PLB1: variants seen among roughly 807,000 people sequenced by gnomAD.
PLB1 encodes phospholipase B1, membrane-associated.
In PLB1, 242 loss-of-function variants were observed where a neutral mutation model predicts 227.4. The observed-to-expected ratio is 1.06, with a 90% CI of 0.96 to 1.18. The LOEUF is 1.18. Ranked by LOEUF, PLB1 falls within the 50% of genes most tolerant of loss-of-function variation. The pLI, the probability that PLB1 is intolerant of heterozygous loss-of-function variation, is 0.00. For synonymous variants in PLB1, 757 were observed against 682.2 expected, an observed-to-expected ratio of 1.11 and a Z score of -1.71; for missense variants, 1,858 against 1,816.3, an observed-to-expected ratio of 1.02 and a Z score of -0.42.
At chr2:28,507,748 TATG>T (rs949432606) in intron 1 of PLB1, among the ~76,000 whole-genome samples, 6 of 152,302 alleles carry the variant, frequency 3.9e-5, no homozygotes, top group South Asian at 4.1e-4. Flanking sequence ...GCACAGGGTG[TATG>T]ATATTGGATA....
chr2:28,595,926 T>C (rs1682832372), intron 33 of PLB1: 1 of 152,284 alleles, frequency 6.6e-6, no homozygotes, highest in Middle Eastern at 3.4e-3. Flanking sequence ...GATTCTGTAG[T>C]GAACGGTTCC....
chr2:28,555,838 G>T (rs1405693708), intron 17 of PLB1, among the ~76,000 whole-genome samples: 2 of 145,830 alleles, frequency 1.4e-5, no homozygotes, highest in African/African-American at 2.5e-5. Context: ...TAACTGTTTT[G>T]CATTTTGCCT....
At chr2:28,563,713 G>A (rs1676408407) in intron 18 of PLB1, among the ~76,000 whole-genome samples, 1 of 152,130 alleles carries the variant, frequency 6.6e-6, no homozygotes, top group Admixed American at 6.5e-5. Context: ...TCAGGCCCTT[G>A]AGAGCCTGGG....
At chr2:28,569,818 T>A (rs1677692807) in intron 20 of PLB1, among the ~76,000 whole-genome samples, 1 of 151,320 alleles carries the variant, frequency 6.6e-6, no homozygotes, top group Admixed American at 6.6e-5. Flanking sequence ...TATAAAAAAA[T>A]AGCTAGGTGT....
At chr2:28,510,680 A>G (rs141769813) in intron 1 of PLB1, among the ~76,000 whole-genome samples, 11 of 134,380 alleles carry the variant, frequency 8.2e-5, no homozygotes, top group African/African-American at 3.2e-4. Context: ...CTGGAGTGCA[A>G]TGATGTGATC....
chr2:28,621,280 G>A (rs1372254752), intron 49 of PLB1, among the ~76,000 whole-genome samples: 1 of 152,122 alleles, frequency 6.6e-6, no homozygotes, highest in Non-Finnish European at 1.5e-5. Flanking sequence ...CTCCAGGGCA[G>A]CAGGAGGCGC....
At chr2:28,541,299 C>G (rs1165070757) in intron 12 of PLB1, among the ~76,000 whole-genome samples, 1 of 152,194 alleles carries the variant, frequency 6.6e-6, no homozygotes, top group Non-Finnish European at 1.5e-5. Context: ...ATGACTTTTG[C>G]TTATGAAGAA....
At chr2:28,591,222 C>G in intron 30 of PLB1, 51 bp downstream of exon 30, 1 of 1,608,558 alleles carries the variant, frequency 6.2e-7, no homozygotes, top group Middle Eastern at 1.7e-4. Context: ...AATGGGCAAC[C>G]CCTGGGCTGG....
intron 3 of PLB1, among the ~76,000 whole-genome samples, chr2:28,519,218 C>A (rs72786881): frequency 6.6e-6 from 1 of 152,086 alleles, no homozygotes; most frequent in African/African-American, 2.4e-5. Context: ...CCTTGTGTGG[C>A]ATTTGCATAC....
In PLB1 at chr2:28,519,723, CT is replaced by C; in HGVS notation, c.204del (p.Asp69IlefsTer38). 1 of 1,611,562 alleles carries C rather than the reference CT, an allele frequency of 6.2e-7. No homozygotes were observed. The highest frequency in any genetic ancestry group is 8.5e-7 in the Non-Finnish European group (1 of 1,177,928). ...TCCACAGTTCACTCTCTGAAGCCTT[CT>C]GATATTAAATTTGTGGCAGCCATTG... ...PSKSVHSLKP[S>X]DIKFVAAIGN... On this transcript the variant is annotated frameshift_variant, in exon 4 of 58. Coordinates refer to ENST00000327757, the MANE Select transcript of PLB1 (RefSeq NM_153021.5). LOFTEE classifies it high-confidence loss of function.
chr2:28,629,257 A>C (rs1478473677), intron 53 of PLB1, 72 bp downstream of exon 53: 3 of 1,418,382 alleles, frequency 2.1e-6, no homozygotes, highest in African/African-American at 2.8e-5. Flanking sequence ...CCAAAGGAGG[A>C]GACCAGTTGA....
chr2:28,514,369 G>C (rs765168994), intron 1 of PLB1, among the ~76,000 whole-genome samples: 59 of 152,232 alleles, frequency 3.9e-4, no homozygotes, highest in Middle Eastern at 6.8e-3. Context: ...GAGTCAGATA[G>C]TATCAGTCTT....
At chr2:28,505,487 G>C (rs1667542970) in intron 1 of PLB1, among the ~76,000 whole-genome samples, 1 of 152,070 alleles carries the variant, frequency 6.6e-6, no homozygotes, top group African/African-American at 2.4e-5. Flanking sequence ...TATTTTCCTC[G>C]AATGGGTCAG....
At chr2:28,552,014 G>C (rs983597489) in intron 16 of PLB1, among the ~76,000 whole-genome samples, 1 of 152,154 alleles carries the variant, frequency 6.6e-6, no homozygotes, top group African/African-American at 2.4e-5. Context: ...AGGTATGAGA[G>C]ATTAAAATGT....
At chr2:28,625,017 T>G (rs1237325969) in intron 49 of PLB1, 40 bp from the exon 50 acceptor site, 3 of 1,598,082 alleles carry the variant, frequency 1.9e-6, no homozygotes, top group African/African-American at 1.3e-5. Flanking sequence ...TCCTCGCTCC[T>G]GAGCCGGCAC....
intron 43 of PLB1, among the ~76,000 whole-genome samples, chr2:28,612,769 ATTT>A (rs10557060): frequency 0.025 from 3,104 of 124,930 alleles, 116 homozygotes; most frequent in African/African-American, 0.09. Flanking sequence ...CCACACCTGG[ATTT>A]TTTTTTTTTT....
chr2:28,505,770 AT>A (rs1667573765), intron 1 of PLB1, among the ~76,000 whole-genome samples: 1 of 152,218 alleles, frequency 6.6e-6, no homozygotes, highest in African/African-American at 2.4e-5. Context: ...AGAAAGGGAT[AT>A]TTGAGAACTT....
intron 3 of PLB1, among the ~76,000 whole-genome samples, chr2:28,519,204 A>C (rs897504574): frequency 9.2e-6 from 1 of 109,048 alleles, no homozygotes; most frequent in Non-Finnish European, 2.2e-5. Flanking sequence ...GGAGATTTCC[A>C]CTTCCTTGTG....
intron 43 of PLB1, among the ~76,000 whole-genome samples, chr2:28,611,362 A>C (rs954277821): frequency 6.6e-6 from 1 of 152,116 alleles, no homozygotes. Flanking sequence ...AGTGCCTCCC[A>C]TTCTGGTCAC....
Sources: gnomAD v4.1 joint callset for allele counts (sites outside exome capture counted in the v4.1 genomes callset) on GRCh38, gnomAD v4.1.1 for gene constraint, MANE v1.5 for transcripts, NCBI Gene and HGNC (gene_info 2026-07-23, HGNC 2026-07-21) for gene names.